SCD5: variants seen among roughly 807,000 people sequenced by gnomAD.
SCD5 encodes the protein acyl-CoA-desaturase 4.
Under a neutral mutation model 30.4 loss-of-function variants are expected in SCD5, and 20 were observed. The ratio of observed to expected loss-of-function variants is 0.66; its 90% CI spans 0.46 to 0.96. The LOEUF (loss-of-function observed/expected upper bound fraction) is 0.96, where lower values mean the gene tolerates loss of function less well. Ranked by LOEUF, SCD5 falls within the 40% of genes least tolerant of loss-of-function variation. The pLI is 0.00. For synonymous variants in SCD5, 173 were observed against 176.4 expected, an observed-to-expected ratio of 0.98 and a Z score of 0.16; for missense variants, 381 against 443.3, an observed-to-expected ratio of 0.86 and a Z score of 1.26.
chr4:82,696,643 A>G lies in SCD5; in HGVS notation c.363+8640T>C, dbSNP rs547088771. On this transcript the variant is annotated intron_variant, in intron 2 of 4. Coordinates refer to ENST00000319540, the MANE Select transcript of SCD5 (RefSeq NM_001037582.3). ...GTTAGAAATATGAATAGAAATTATC[A>G]CAATGAGATTTGATTTCAGAAAAAT... 2.6e-5 allele frequency among the ~76,000 whole-genome samples: 4 copies of G among 152,352 alleles called. No individual in the cohort carries two copies. In the South Asian group the frequency reaches 8.3e-4, roughly 32 times the overall value.
chr4:82,757,316 C>G (rs1176016199), intron 1 of SCD5, among the ~76,000 whole-genome samples: 3 of 152,072 alleles, frequency 2.0e-5, no homozygotes, highest in Non-Finnish European at 4.4e-5. Flanking sequence ...TTCCCAGGAC[C>G]CCGAACCCAG....
At chr4:82,765,294 G>A (rs1721462763) in intron 1 of SCD5, among the ~76,000 whole-genome samples, 1 of 152,052 alleles carries the variant, frequency 6.6e-6, no homozygotes, top group Admixed American at 6.6e-5. Flanking sequence ...TTTTCTTTCA[G>A]TGCATTAAAG....
chr4:82,640,162 A>C (rs1467456611), intron 3 of SCD5, among the ~76,000 whole-genome samples: 1 of 152,110 alleles, frequency 6.6e-6, no homozygotes. Context: ...TGCAGCACCC[A>C]GCTTCCACTC....
At chr4:82,796,040 G>A (rs1280221072) in intron 1 of SCD5, among the ~76,000 whole-genome samples, 1 of 151,930 alleles carries the variant, frequency 6.6e-6, no homozygotes, top group African/African-American at 2.4e-5. Context: ...GGAGGCTGAG[G>A]TGGGTGGATC....
At chr4:82,667,050 T>C (rs1728204928) in intron 3 of SCD5, among the ~76,000 whole-genome samples, 1 of 152,238 alleles carries the variant, frequency 6.6e-6, no homozygotes, top group African/African-American at 2.4e-5. Context: ...GATGCCTTTA[T>C]TGCCATCAAC....
At chr4:82,721,595 AT>A (rs1720370758) in intron 1 of SCD5, among the ~76,000 whole-genome samples, 1 of 152,196 alleles carries the variant, frequency 6.6e-6, no homozygotes, top group Non-Finnish European at 1.5e-5. Context: ...GGAAGAGGAA[AT>A]TTAGACACAG....
intron 1 of SCD5, among the ~76,000 whole-genome samples, chr4:82,786,805 A>C (rs947611745): frequency 2.0e-5 from 3 of 151,590 alleles, no homozygotes; most frequent in Admixed American, 2.0e-4. Context: ...AAAAAAAAAA[A>C]AAAAAACAAG....
At chr4:82,744,041 G>C (rs1269375953) in intron 1 of SCD5, among the ~76,000 whole-genome samples, 1 of 152,024 alleles carries the variant, frequency 6.6e-6, no homozygotes, top group African/African-American at 2.4e-5. Context: ...GCCCAGGCTG[G>C]TCTCAAAGTT....
intron 1 of SCD5, among the ~76,000 whole-genome samples, chr4:82,733,631 G>A (rs1449216630): frequency 6.6e-6 from 1 of 152,138 alleles, no homozygotes; most frequent in Non-Finnish European, 1.5e-5. Context: ...AGGGAAGAAA[G>A]AATTTGGAAA....
chr4:82,709,450 A>G (rs1456747730), intron 1 of SCD5, among the ~76,000 whole-genome samples: 5 of 152,262 alleles, frequency 3.3e-5, no homozygotes, highest in African/African-American at 1.2e-4. Context: ...AGTGCTACAG[A>G]GCAAATGAAC....
intron 3 of SCD5, chr4:82,660,698 C>A: frequency 7.0e-7 from 1 of 1,429,884 alleles, no homozygotes; most frequent in Non-Finnish European, 9.1e-7. Context: ...CCATATTTTA[C>A]CTCCCCGTAG....
At chr4:82,758,297 C>A (rs911968083) in intron 1 of SCD5, among the ~76,000 whole-genome samples, 2 of 152,018 alleles carry the variant, frequency 1.3e-5, no homozygotes, top group Admixed American at 6.6e-5. Flanking sequence ...ATCCCTGTCT[C>A]TCCAAAAACA....
At chr4:82,778,211 C>A (rs925319764) in intron 1 of SCD5, among the ~76,000 whole-genome samples, 1 of 151,984 alleles carries the variant, frequency 6.6e-6, no homozygotes, top group Non-Finnish European at 1.5e-5. Flanking sequence ...ACACCAGGGC[C>A]TGTTGGGGGA....
intron 1 of SCD5, among the ~76,000 whole-genome samples, chr4:82,797,800 G>A (rs1334750738): frequency 6.6e-6 from 1 of 152,080 alleles, no homozygotes; most frequent in East Asian, 1.9e-4. Context: ...ATCCTGTGCC[G>A]GGTCTCTCCT....
chr4:82,631,353 C>A lies in SCD5; in HGVS notation c.967G>T (p.Ala323Ser). ...CAAGCACTGCTGTCTCCAGTCCTGG[C>A]CTTCCGGGCCTCGATCATCGGCTTG... ...ATKPMIEARK[A>S]RTGDSSA Residue 323 changes from alanine to serine, a missense_variant, in exon 5 of 5, where the codon GCC (alanine) becomes TCC (serine). Physicochemically the swap from Ala to Ser is moderately conservative, Grantham distance 99 (BLOSUM62 1). Transcript: ENST00000319540. The A allele has an allele frequency of 6.2e-7, 1 of 1,614,072 alleles. No individual in the cohort carries two copies. Among genetic ancestry groups the A allele is most frequent in the East Asian group, 2.2e-5 (1 of 44,866 alleles).
chr4:82,631,842 A>T (rs1727302063), intron 4 of SCD5, among the ~76,000 whole-genome samples: 2 of 152,222 alleles, frequency 1.3e-5, no homozygotes, highest in Admixed American at 1.3e-4. Flanking sequence ...AACTGTTTTT[A>T]AAAAATAGTC....
chr4:82,701,476 A>G (rs1449830481), intron 2 of SCD5, among the ~76,000 whole-genome samples: 1 of 152,078 alleles, frequency 6.6e-6, no homozygotes, highest in Non-Finnish European at 1.5e-5. Flanking sequence ...GTCTAAATAT[A>G]CCAATTAAAA....
At chr4:82,789,576 G>T (rs564130884) in intron 1 of SCD5, among the ~76,000 whole-genome samples, 9 of 152,352 alleles carry the variant, frequency 5.9e-5, no homozygotes, top group African/African-American at 1.9e-4. Context: ...TTAAGGCTCA[G>T]GCAACTGCAG....
intron 3 of SCD5, among the ~76,000 whole-genome samples, chr4:82,638,289 A>T (rs13124143): frequency 6.6e-6 from 1 of 151,000 alleles, no homozygotes; most frequent in Admixed American, 6.6e-5. Flanking sequence ...CTGCCCCCCC[A>T]AAAAAAAGCA....
Sources: gnomAD v4.1 joint callset for allele counts (sites outside exome capture counted in the v4.1 genomes callset) on GRCh38, gnomAD v4.1.1 for gene constraint, MANE v1.5 for transcripts, NCBI Gene and HGNC (gene_info 2026-07-23, HGNC 2026-07-21) for gene names.